The following LIPH variants were observed in gnomAD, a reference collection of about 807,000 sequenced individuals.
The protein encoded by LIPH is lipase H, also known as lipase member H.
In LIPH, 32 loss-of-function variants were observed where a neutral mutation model predicts 47.6. The ratio of observed to expected loss-of-function variants is 0.67; its 90% confidence interval spans 0.51 to 0.90. The LOEUF (loss-of-function observed/expected upper bound fraction) is 0.90. LIPH is among the 40% of genes least tolerant of loss of function. The pLI, the probability that LIPH is intolerant of heterozygous loss-of-function variation, is 0.00. For synonymous variants in LIPH, 190 were observed against 195.6 expected (o/e 0.97, Z 0.24); for missense variants, 497 against 541.4 (o/e 0.92, Z 0.81).
chr3:185,508,799 C>A lies in LIPH; in HGVS notation c.1347G>T (p.Leu449Phe), dbSNP rs1719462894. ...TVFQPILCPE[L>F]QL is the part of the protein sequence containing the mutation. ...TGTGTCCTGGCAACAGTTACAACTG[C>A]AACTCTGGGCAAAGAATAGGTTGGA... The change falls in exon 10 of 10, where the codon TTG (leucine) becomes TTT (phenylalanine). Residue 449 changes from leucine to phenylalanine, a missense_variant. By Grantham distance (22) the Leu-to-Phe change is conservative. Transcript: ENST00000296252. 1.2e-6 allele frequency: 2 copies of A among 1,610,866 alleles called. No individual in the cohort carries two copies. Among genetic ancestry groups the A allele is most frequent in the Non-Finnish European group, 1.7e-6 (2 of 1,177,132 alleles).
chr3:185,526,201 A>C (rs1403318451), intron 4 of LIPH, among the ~76,000 whole-genome samples: 2 of 152,002 alleles, frequency 1.3e-5, no homozygotes, highest in Non-Finnish European at 2.9e-5. Context: ...CCATCTCTAC[A>C]AAAAGAAGAT....
At chr3:185,532,438 G>T (rs929789259) in intron 3 of LIPH, among the ~76,000 whole-genome samples, 7 of 151,976 alleles carry the variant, frequency 4.6e-5, no homozygotes, top group South Asian at 4.2e-4. Flanking sequence ...TGTGCCTGGG[G>T]GGGCGTTGAG....
At position 185,519,266 on chromosome 3, in the gene LIPH, C is replaced by T. The variant is rs1719827761; in HGVS notation, c.762G>A (p.Leu254=). Residue 254 remains leucine, a synonymous_variant, in exon 6 of 10, where the codon CTG becomes CTA. Transcript: ENST00000296252. ...AGCTCTCTCTCAGGGAAGACAGGTA[C>T]AGGTATACAGACCTCTGGTGGTCAC... ...FKCDHQRSVY[L]YLSSLRESCT... The T allele has an allele frequency of 6.2e-7, 1 of 1,613,220 alleles. No homozygotes were observed. Among genetic ancestry groups the T allele is most frequent in the Non-Finnish European group, 8.5e-7 (1 of 1,179,226 alleles).
intron 1 of LIPH, among the ~76,000 whole-genome samples, chr3:185,543,652 A>G (rs1409014253): frequency 6.6e-6 from 1 of 152,060 alleles, no homozygotes; most frequent in Non-Finnish European, 1.5e-5. Context: ...AGGTCAAGGC[A>G]GGAGGATTGC....
chr3:185,512,579 C>T (rs1719603785), intron 8 of LIPH, among the ~76,000 whole-genome samples: 1 of 148,768 alleles, frequency 6.7e-6, no homozygotes, highest in Non-Finnish European at 1.5e-5. Context: ...ACCTCTGCCT[C>T]CTGGGTTCAA....
At position 185,538,874 on chromosome 3, in the gene LIPH, CAT is replaced by C. The variant is rs1203516189; in HGVS notation, c.50-3744_50-3743del. Among the ~76,000 whole-genome samples, 85 of 140,498 alleles carry C rather than the reference CAT, an allele frequency of 6.0e-4. 1 individual carries two copies. Among genetic ancestry groups the C allele is most frequent in the African/African-American group, 1.4e-3 (53 of 37,968 alleles). The allele number at this position is 140,498 out of a possible 152,430, so 92.2% of individuals were successfully genotyped here. A position where few individuals can be genotyped will look rare whatever the true frequency, so the allele number is the denominator to read the frequency against. On this transcript the variant is annotated intron_variant, in intron 1 of 9. Coordinates refer to ENST00000296252, the MANE Select transcript of LIPH (RefSeq NM_139248.3). ...ATATATACATATATACATATATACA[CAT>C]ATATATACATATATACGTATATACA... is the stretch of plus-strand genomic sequence containing the variant.
Position 185,506,768 on chromosome 3 carries a change from G to A in LIPH, c.*2022C>T, listed in dbSNP as rs1202290171. 1 of 144,636 alleles carries A rather than the reference G, an allele frequency of 6.9e-6. No homozygotes were observed. The highest frequency in any genetic ancestry group is 2.3e-4 in the East Asian group (1 of 4,432). 9.0% of individuals were successfully genotyped at this position (144,636 alleles called of 1,614,324 possible). On this transcript the variant is annotated 3_prime_UTR_variant, in exon 10 of 10. Coordinates refer to ENST00000296252, the MANE Select transcript of LIPH (RefSeq NM_139248.3). ...AATTGCTTGAACCCGGGAGGCAGAG[G>A]TTGCAGTGAGCCAAGATCGTGCCAC...
chr3:185,528,652 C>T (rs1020423095), intron 3 of LIPH, among the ~76,000 whole-genome samples: 2 of 152,024 alleles, frequency 1.3e-5, no homozygotes, highest in Non-Finnish European at 1.5e-5. Flanking sequence ...CAGGAGAGGG[C>T]GAAACTCACT....
chr3:185,528,002 A>C (rs1009005676), intron 3 of LIPH, among the ~76,000 whole-genome samples: 4 of 151,800 alleles, frequency 2.6e-5, no homozygotes, highest in African/African-American at 9.7e-5. Context: ...AGGCAGGCAG[A>C]TCATGAGGTC....
At chr3:185,546,385 G>T (rs926483861) in intron 1 of LIPH, among the ~76,000 whole-genome samples, 10 of 151,348 alleles carry the variant, frequency 6.6e-5, no homozygotes, top group Admixed American at 2.6e-4. Context: ...CTAAAGCTGG[G>T]CATGGTGGTG....
At chr3:185,544,863 G>C (rs1274675306) in intron 1 of LIPH, among the ~76,000 whole-genome samples, 1 of 152,062 alleles carries the variant, frequency 6.6e-6, no homozygotes, top group African/African-American at 2.4e-5. Flanking sequence ...CAACCTGCTA[G>C]CATGTTCTGC....
rs748571081 is a variant in LIPH at position 185,514,507 on chromosome 3, C to T, written c.997G>A (p.Val333Met). The T allele has an allele frequency of 3.7e-6, 5 of 1,356,860 alleles. No individual in the cohort carries two copies. The highest frequency in any genetic ancestry group is 1.4e-5 in the African/African-American group (1 of 69,968). 84.1% of individuals were successfully genotyped at this position (1,356,860 alleles called of 1,614,324 possible). A position where few individuals can be genotyped will look rare whatever the true frequency, so the allele number is the denominator to read the frequency against. The change falls in exon 8 of 10, where the codon GTG (valine) becomes ATG (methionine). Residue 333 changes from valine to methionine, a missense_variant. Physicochemically the swap from Val to Met is conservative, Grantham distance 21. Coordinates refer to ENST00000296252, the MANE Select transcript of LIPH (RefSeq NM_139248.3). The stretch of plus-strand genomic sequence containing the variant: ...TTCTTGTTCCATGTTATAATATCCA[C>T]AAAGTAATGATACACTGCAAAACAG... Reference protein sequence around the residue: ...ESPFCMYHYFVDIITWNKNVR... With the variant: ...ESPFCMYHYFMDIITWNKNVR...
At position 185,519,021 on chromosome 3, in the gene LIPH, G is replaced by C. The variant is rs149762019; in HGVS notation, c.886+121C>G. 2,515 of 841,376 alleles carry C rather than the reference G, an allele frequency of 3.0e-3. 12 individuals are homozygous for C. The highest frequency in any genetic ancestry group is 4.3e-3 in the Non-Finnish European group (2,131 of 490,520). 52.1% of individuals were successfully genotyped at this position (841,376 alleles called of 1,614,324 possible). On this transcript the variant is annotated intron_variant, in intron 6 of 9. Coordinates refer to ENST00000296252, the MANE Select transcript of LIPH (RefSeq NM_139248.3). The stretch of plus-strand genomic sequence containing the variant: ...TTACAGGCATGAGCCACTGTGCCCA[G>C]CAGAAAAACAAGTTTTTAATACAAT...
Position 185,552,490 on chromosome 3 carries a change from G to C in LIPH, c.-19C>G, listed in dbSNP as rs1329146436. 1 of 1,561,476 alleles carries C rather than the reference G, an allele frequency of 6.4e-7. No individual in the cohort carries two copies. Among genetic ancestry groups the C allele is most frequent in the South Asian group, 1.1e-5 (1 of 89,974 alleles). On this transcript the variant is annotated 5_prime_UTR_variant, in exon 1 of 10. Coordinates refer to ENST00000296252, the MANE Select transcript of LIPH (RefSeq NM_139248.3). ...TCAACATATGGAAACTGGAGAGATC[G>C]TGTGTCACATTCACAAGAATGATTT...
At chr3:185,539,678 A>G (rs1276095716) in intron 1 of LIPH, among the ~76,000 whole-genome samples, 1 of 152,042 alleles carries the variant, frequency 6.6e-6, no homozygotes, top group Non-Finnish European at 1.5e-5. Context: ...GCCGCATTTT[A>G]CGGATCTTAT....
At chr3:185,539,940 G>C (rs914803948) in intron 1 of LIPH, among the ~76,000 whole-genome samples, 1 of 152,202 alleles carries the variant, frequency 6.6e-6, no homozygotes, top group Non-Finnish European at 1.5e-5. Context: ...CACTGAGCCA[G>C]ACCAGGCAGG....
intron 8 of LIPH, among the ~76,000 whole-genome samples, chr3:185,512,544 A>G (rs1262381816): frequency 6.9e-6 from 1 of 145,214 alleles, no homozygotes; most frequent in Non-Finnish European, 1.5e-5. Context: ...GCTGGAGTGC[A>G]GTGGTGTGAT....
At position 185,507,314 on chromosome 3, in the gene LIPH, G is replaced by T. The variant is rs1165726028; in HGVS notation, c.*1476C>A. 6.6e-6 allele frequency: 1 copy of T among 151,548 alleles called. No individual in the cohort carries two copies. The highest frequency in any genetic ancestry group is 1.5e-5 in the Non-Finnish European group (1 of 68,040). 9.4% of individuals were successfully genotyped at this position (151,548 alleles called of 1,614,324 possible). On this transcript the variant is annotated 3_prime_UTR_variant, in exon 10 of 10. Coordinates refer to ENST00000296252, the MANE Select transcript of LIPH (RefSeq NM_139248.3). ...TTGAACCTGGGAGGTGGAGGTTGCA[G>T]TGAGCTGAGATCGTACCATTGCACT...
chr3:185,540,907 C>T (rs911694439), intron 1 of LIPH, among the ~76,000 whole-genome samples: 33 of 152,068 alleles, frequency 2.2e-4, no homozygotes, highest in African/African-American at 8.0e-4. Flanking sequence ...ACTGGATTTC[C>T]GACTCGGAGT....
Sources: gnomAD v4.1 joint callset for allele counts (sites outside exome capture counted in the v4.1 genomes callset) on GRCh38, gnomAD v4.1.1 for gene constraint, MANE v1.5 for transcripts, NCBI Gene and HGNC (gene_info 2026-07-23, HGNC 2026-07-21) for gene names.